Variants in TEX14 observed in about 807,000 individuals in gnomAD.
The protein encoded by TEX14 is testis expressed 14, intercellular bridge forming factor.
A neutral mutation model predicts 178.6 loss-of-function variants in TEX14; 168 were observed. The ratio of observed to expected loss-of-function variants is 0.94; its 90% CI spans 0.83 to 1.07. TEX14 has a LOEUF of 1.07. Among genes scored for constraint, TEX14 ranks in the 50% least tolerant of loss-of-function variants. TEX14 has a pLI of 0.00. For synonymous variants in TEX14, 626 were observed against 634.1 expected (o/e 0.99, Z 0.19); for missense variants, 1,730 against 1,753.6 (o/e 0.99, Z 0.24).
intron 1 of TEX14, among the ~76,000 whole-genome samples, chr17:58,663,354 G>A (rs1238061079): frequency 2.8e-5 from 4 of 144,898 alleles, no homozygotes; most frequent in African/African-American, 5.1e-5. Context: ...CGTGGGAGGC[G>A]GAGGTTGCAG....
At chr17:58,668,306 C>T (rs1460799552) in intron 1 of TEX14, among the ~76,000 whole-genome samples, 3 of 152,198 alleles carry the variant, frequency 2.0e-5, no homozygotes, top group Admixed American at 6.6e-5. Flanking sequence ...GTCTCTATAC[C>T]TATCCTGATG....
At chr17:58,578,441 G>A (rs1327610092) in intron 20 of TEX14, among the ~76,000 whole-genome samples, 1 of 152,128 alleles carries the variant, frequency 6.6e-6, no homozygotes, top group Admixed American at 6.5e-5. Flanking sequence ...AATGGGTCTT[G>A]GAACCTAGCA....
At chr17:58,611,732 G>T (rs1012185264) in intron 9 of TEX14, among the ~76,000 whole-genome samples, 2 of 152,202 alleles carry the variant, frequency 1.3e-5, no homozygotes, top group Non-Finnish European at 2.9e-5. Flanking sequence ...AAGCTCAAAG[G>T]ACCCTGCAGA....
At chr17:58,580,287 A>C (rs958188179) in intron 19 of TEX14, among the ~76,000 whole-genome samples, 2 of 152,168 alleles carry the variant, frequency 1.3e-5, no homozygotes, top group Admixed American at 6.5e-5. Flanking sequence ...GATTATAGAC[A>C]TGAGCCACCA....
chr17:58,676,196 T>G (rs1013733039), intron 1 of TEX14, among the ~76,000 whole-genome samples: 3 of 152,052 alleles, frequency 2.0e-5, no homozygotes, highest in Admixed American at 2.0e-4. Flanking sequence ...GCCAAAATGG[T>G]GAAACCCCAT....
intron 14 of TEX14, among the ~76,000 whole-genome samples, chr17:58,598,525 C>G (rs1449310419): frequency 6.6e-6 from 1 of 152,160 alleles, no homozygotes; most frequent in East Asian, 1.9e-4. Context: ...CAATTTGATA[C>G]ATACGAATTT....
At chr17:58,619,948 T>C (rs1332922780) in intron 5 of TEX14, among the ~76,000 whole-genome samples, 2 of 152,134 alleles carry the variant, frequency 1.3e-5, no homozygotes, top group Non-Finnish European at 2.9e-5. Context: ...CATTTACACT[T>C]GGGTTTTCCT....
At chr17:58,625,886 G>T (rs1015840421) in intron 3 of TEX14, among the ~76,000 whole-genome samples, 1 of 151,750 alleles carries the variant, frequency 6.6e-6, no homozygotes, top group Non-Finnish European at 1.5e-5. Context: ...GACTACAGGC[G>T]CCCGCCACCA....
At chr17:58,685,322 G>A (rs2047572381) in intron 1 of TEX14, among the ~76,000 whole-genome samples, 1 of 151,848 alleles carries the variant, frequency 6.6e-6, no homozygotes, top group Non-Finnish European at 1.5e-5. Context: ...TGTAATCCCA[G>A]CTACTCAGGA....
intron 11 of TEX14, among the ~76,000 whole-genome samples, chr17:58,602,793 C>T (rs1276342193): frequency 1.3e-5 from 2 of 152,004 alleles, no homozygotes; most frequent in Admixed American, 6.6e-5. Flanking sequence ...AGGGGCCGGG[C>T]GTGGTGGCTT....
chr17:58,687,308 GA>G (rs903967201), intron 1 of TEX14, among the ~76,000 whole-genome samples: 3 of 152,044 alleles, frequency 2.0e-5, no homozygotes, highest in African/African-American at 7.2e-5. Flanking sequence ...AATAAATACA[GA>G]AGGCTGTGTA....
chr17:58,631,750 T>A (rs867492497), intron 2 of TEX14: 2 of 151,186 alleles, frequency 1.3e-5, no homozygotes, highest in African/African-American at 4.9e-5. Context: ...CACAAATATC[T>A]CCCTCTCGCG....
At chr17:58,617,513 C>A in intron 6 of TEX14, 25 bp downstream of exon 6, 1 of 1,585,372 alleles carries the variant, frequency 6.3e-7, no homozygotes, top group Non-Finnish European at 8.7e-7. Flanking sequence ...CCTGCAAACA[C>A]TGGCTGTCAG....
chr17:58,678,353 C>A (rs1053094570), intron 1 of TEX14, among the ~76,000 whole-genome samples: 7 of 152,080 alleles, frequency 4.6e-5, no homozygotes, highest in African/African-American at 1.7e-4. Flanking sequence ...ATAAATCATG[C>A]TACTATAAAG....
intron 2 of TEX14, among the ~76,000 whole-genome samples, chr17:58,649,078 CTTTT>C (rs554128326): frequency 1.5e-5 from 2 of 133,250 alleles, no homozygotes; most frequent in African/African-American, 2.7e-5. Flanking sequence ...CGCCCGGCCT[CTTTT>C]TTTTTTTTTT....
chr17:58,641,828 C>A (rs1355095477), intron 2 of TEX14, among the ~76,000 whole-genome samples: 1 of 152,060 alleles, frequency 6.6e-6, no homozygotes, highest in Non-Finnish European at 1.5e-5. Context: ...TGTTTTAATC[C>A]ATTATCTCAT....
At chr17:58,557,921 A>G in intron 30 of TEX14, 71 bp from the exon 31 acceptor site, 2 of 1,158,246 alleles carry the variant, frequency 1.7e-6, no homozygotes, top group Non-Finnish European at 2.6e-6. Context: ...CAGTATTCAT[A>G]TTAGTGCTCC....
chr17:58,681,825 A>G (rs1346204147), intron 1 of TEX14, among the ~76,000 whole-genome samples: 2 of 152,126 alleles, frequency 1.3e-5, no homozygotes, highest in African/African-American at 4.8e-5. Flanking sequence ...CCTGGGTGAC[A>G]GCAGGAAACT....
chr17:58,665,018 G>A (rs770334321), intron 1 of TEX14, among the ~76,000 whole-genome samples: 10 of 152,140 alleles, frequency 6.6e-5, no homozygotes, highest in Non-Finnish European at 1.3e-4. Flanking sequence ...TAAGTTTGTG[G>A]AAGTAATACA....
Sources: gnomAD v4.1 joint callset for allele counts (sites outside exome capture counted in the v4.1 genomes callset) on GRCh38, gnomAD v4.1.1 for gene constraint, MANE v1.5 for transcripts, NCBI Gene and HGNC (gene_info 2026-07-23, HGNC 2026-07-21) for gene names.